Variants in CACNG2 observed in about 807,000 individuals in gnomAD.
The protein encoded by CACNG2 is calcium voltage-gated channel auxiliary subunit gamma 2, also known as voltage-dependent calcium channel gamma-2 subunit.
Under a neutral mutation model 25.9 loss-of-function variants are expected in CACNG2, and 3 were observed. The ratio of observed to expected loss-of-function variants is 0.12; its 90% CI spans 0.05 to 0.30. CACNG2 has a LOEUF of 0.30. Among genes scored for constraint, CACNG2 ranks in the 10% least tolerant of loss-of-function variants. CACNG2 has a pLI of 1.00. For missense variants in CACNG2, 341 were observed against 432.5 expected (o/e 0.79, Z 1.88); for synonymous variants, 167 against 173.3 (o/e 0.96, Z 0.29).
At chr22:36,603,927 G>C (rs9622427) in intron 1 of CACNG2, among the ~76,000 whole-genome samples, 3,538 of 152,250 alleles carry the variant, frequency 0.023, 159 homozygotes, top group African/African-American at 0.081. Flanking sequence ...TTTTGACTTG[G>C]AAGTCTTATT....
chr22:36,684,449 C>G (rs963281660), intron 1 of CACNG2, among the ~76,000 whole-genome samples: 17 of 151,922 alleles, frequency 1.1e-4, no homozygotes, highest in African/African-American at 3.9e-4. Context: ...AACCCCATCT[C>G]TACAAAAATT....
At chr22:36,680,377 A>ACCACCACCATCACTG (rs1276527946) in intron 1 of CACNG2, among the ~76,000 whole-genome samples, 13 of 144,222 alleles carry the variant, frequency 9.0e-5, no homozygotes, top group Non-Finnish European at 1.5e-5. Context: ...CATCACCATT[A>ACCACCACCATCACTG]CCACCACCAT....
chr22:36,668,507 G>A (rs962808570), intron 1 of CACNG2, among the ~76,000 whole-genome samples: 3 of 140,954 alleles, frequency 2.1e-5, no homozygotes, highest in Admixed American at 7.1e-5. Context: ...TTTTTTTTTT[G>A]AGATAGGATC....
intron 1 of CACNG2, among the ~76,000 whole-genome samples, chr22:36,694,073 A>G (rs905271609): frequency 2.0e-5 from 3 of 152,182 alleles, no homozygotes; most frequent in African/African-American, 7.2e-5. Context: ...ATTCTGCTCT[A>G]TGCTGCTTCC....
chr22:36,699,858 T>G (rs1937388869), intron 1 of CACNG2, among the ~76,000 whole-genome samples: 1 of 152,188 alleles, frequency 6.6e-6, no homozygotes, highest in Non-Finnish European at 1.5e-5. Context: ...ATCAGTGCAG[T>G]CTTTGAAAAT....
rs561234006 is a variant in CACNG2 at position 36,564,292 on chromosome 22, C to T, written c.*59G>A. ...GCGGAGGGTCTGGGTCTCCCCGCCC[C>T]GCCCCGCCCCCGGGGACCGCGCCCT... On this transcript the variant is annotated 3_prime_UTR_variant, in exon 4 of 4. Transcript: ENST00000300105. The surrounding 1 kb of genome is among the most constrained non-coding windows in gnomAD (Gnocchi z 6.7). The T allele has an allele frequency of 2.1e-4, 326 of 1,518,342 alleles. 5 individuals carry two copies. In the South Asian group the frequency reaches 3.5e-3, roughly 16 times the overall value. 94.1% of individuals were successfully genotyped at this position (1,518,342 alleles called of 1,614,324 possible).
intron 1 of CACNG2, among the ~76,000 whole-genome samples, chr22:36,677,142 G>T (rs7284621): frequency 0.024 from 3,699 of 152,076 alleles, 149 homozygotes; most frequent in African/African-American, 0.085. Context: ...GAAAATGAAG[G>T]TTTGATTTGA....
chr22:36,669,508 CAAAA>C (rs1157379465), intron 1 of CACNG2, among the ~76,000 whole-genome samples: 3,264 of 61,708 alleles, frequency 0.053, 128 homozygotes, highest in African/African-American at 0.18. Flanking sequence ...ACTCTATCTC[CAAAA>C]AAAAAAAAAA....
In CACNG2 at chr22:36,566,524, G is replaced by A. The variant is rs201623977; in HGVS notation, c.296-31C>T. ...GAACACAGAGGGTCAGGGAGAAAGA[G>A]AACGGCATGGCTGTGAGACTGAGGC... is the stretch of plus-strand genomic sequence containing the variant. On this transcript the variant is annotated intron_variant, in intron 2 of 3. Transcript: ENST00000300105. 3.7e-5 allele frequency: 59 copies of A among 1,613,150 alleles called. No individual in the cohort carries two copies. The Middle Eastern group carries it at 1.8e-3, about 50-fold the overall frequency.
chr22:36,602,382 A>AT (rs1569025998), intron 1 of CACNG2, among the ~76,000 whole-genome samples: 2 of 150,638 alleles, frequency 1.3e-5, no homozygotes, highest in African/African-American at 4.9e-5. Context: ...ACATTCTAAA[A>AT]ATATATATAT....
chr22:36,702,564 C>G lies in CACNG2; in HGVS notation c.13G>C (p.Asp5His). The change falls in exon 1 of 4, where the codon GAT (aspartate) becomes CAT (histidine). Residue 5 changes from aspartate (D) to histidine (H), a missense_variant. This residue lies in a region of CACNG2 where 169 missense variants were observed against 254.4 expected (regional missense o/e 0.66). Transcript: ENST00000300105. ...GTTAAAAGCATTTGAACACCTCGAT[C>G]AAACAGCCCCATAATTCTTCATTAT... Reference protein sequence around the residue: MGLFDRGVQMLLTTV... With the variant: MGLFHRGVQMLLTTV... 6.2e-7 allele frequency: 1 copy of G among 1,613,856 alleles called. No homozygotes were observed. Among genetic ancestry groups the G allele is most frequent in the Non-Finnish European group, 8.5e-7 (1 of 1,179,816 alleles).
At chr22:36,656,468 C>T (rs189557761) in intron 1 of CACNG2, among the ~76,000 whole-genome samples, 14 of 152,280 alleles carry the variant, frequency 9.2e-5, no homozygotes, top group East Asian at 5.8e-4. Flanking sequence ...TTCTCATCAC[C>T]GCCTTCACTA....
chr22:36,578,706 T>C (rs1006994093), intron 2 of CACNG2, among the ~76,000 whole-genome samples: 1 of 152,104 alleles, frequency 6.6e-6, no homozygotes, highest in African/African-American at 2.4e-5. Context: ...CTGGCCCAGG[T>C]TGACACCCAA....
intron 1 of CACNG2, among the ~76,000 whole-genome samples, chr22:36,676,121 G>A (rs142523289): frequency 0.022 from 3,283 of 152,266 alleles, 57 homozygotes; most frequent in Middle Eastern, 0.078. Flanking sequence ...TCCCCACAGC[G>A]CTATCTCTTA....
At position 36,680,417 on chromosome 22, in the gene CACNG2, CCAT is replaced by C. The variant is rs1465424526; in HGVS notation, c.211+21946_211+21948del. 2.6e-3 allele frequency among the ~76,000 whole-genome samples: 384 copies of C among 149,584 alleles called. 2 individuals carry two copies. Among genetic ancestry groups the C allele is most frequent in the African/African-American group, 8.8e-3 (358 of 40,554 alleles). ...GCCACCATCACTACCACCATCATCACCATCATCACCACCACCACCATCACCACC... is the reference window on the plus strand; with the variant it reads ...GCCACCATCACTACCACCATCATCACCATCACCACCACCACCATCACCACC... On this transcript the variant is annotated intron_variant, in intron 1 of 3. Transcript: ENST00000300105.
chr22:36,639,937 G>T (rs770732798), intron 1 of CACNG2, among the ~76,000 whole-genome samples: 62 of 152,168 alleles, frequency 4.1e-4, no homozygotes, highest in Non-Finnish European at 6.6e-4. Context: ...AGCCCCCACA[G>T]GGACACTCTC....
chr22:36,664,360 T>G (rs1047423535), intron 1 of CACNG2, among the ~76,000 whole-genome samples: 1 of 152,220 alleles, frequency 6.6e-6, no homozygotes, highest in Non-Finnish European at 1.5e-5. Context: ...GACGCACTGT[T>G]CTAGCCACTG....
At chr22:36,613,275 C>T (rs1368850432) in intron 1 of CACNG2, among the ~76,000 whole-genome samples, 2 of 151,996 alleles carry the variant, frequency 1.3e-5, no homozygotes, top group African/African-American at 4.8e-5. Flanking sequence ...GGATTTCACA[C>T]CTGTACTTTC....
chr22:36,591,106 G>A (rs565843343), intron 1 of CACNG2, among the ~76,000 whole-genome samples: 20 of 151,692 alleles, frequency 1.3e-4, no homozygotes, highest in African/African-American at 3.9e-4. Context: ...GCACAATCTC[G>A]GCTCACTGCA....
Sources: gnomAD v4.1 joint callset for allele counts (sites outside exome capture counted in the v4.1 genomes callset) on GRCh38, gnomAD v4.1.1 for gene constraint, gnomAD v4.1.1 regional missense constraint, Gnocchi (gnomAD v3.1) non-coding constraint, MANE v1.5 for transcripts, NCBI Gene and HGNC (gene_info 2026-07-23, HGNC 2026-07-21) for gene names.